The following IFT172 variants were observed in gnomAD, a reference collection of about 807,000 sequenced individuals.
IFT172 encodes intraflagellar transport 172.
In IFT172, 164 loss-of-function variants were observed where a neutral mutation model predicts 248.9. The ratio of observed to expected loss-of-function variants is 0.66; its 90% CI spans 0.58 to 0.75. The LOEUF (loss-of-function observed/expected upper bound fraction) is 0.75, where lower values mean the gene tolerates loss of function less well. IFT172 is among the 30% of genes least tolerant of loss of function. The pLI, the probability that IFT172 is intolerant of heterozygous loss-of-function variation, is 0.00. For synonymous variants in IFT172, 729 were observed against 791.6 expected, an observed-to-expected ratio of 0.92 and a Z score of 1.33; for missense variants, 1,950 against 2,192.4, an observed-to-expected ratio of 0.89 and a Z score of 2.21.
At position 27,461,743 on chromosome 2, in the gene IFT172, A is replaced by G. The variant is rs1258891560; in HGVS notation, c.2193+16T>C. ...AACCAAATTCTGAACAACTGTGGAGAAGATAAAACAGGTACCTTGGCTTCA... is the reference window on the plus strand; with the variant it reads ...AACCAAATTCTGAACAACTGTGGAGGAGATAAAACAGGTACCTTGGCTTCA... On this transcript the variant is annotated intron_variant, in intron 21 of 47. Coordinates refer to ENST00000260570, the MANE Select transcript of IFT172 (RefSeq NM_015662.3). The G allele has an allele frequency of 2.5e-6, 4 of 1,613,928 alleles. No individual in the cohort carries two copies. The African/African-American group carries it at 5.3e-5, about 22-fold the overall frequency.
At chr2:27,447,771 T>G (rs1665281083) in intron 41 of IFT172, 41 bp downstream of exon 41, 1 of 1,595,220 alleles carries the variant, frequency 6.3e-7, no homozygotes, top group East Asian at 2.2e-5. Context: ...AAAGAAGAGA[T>G]GAGGACAAGG....
At chr2:27,477,159 A>G in intron 13 of IFT172, 58 bp downstream of exon 13, 1 of 1,424,428 alleles carries the variant, frequency 7.0e-7, no homozygotes, top group Non-Finnish European at 9.9e-7. Context: ...CACAGAATTT[A>G]GGAGTCCAAA....
intron 3 of IFT172, among the ~76,000 whole-genome samples, 197 bp downstream of exon 3, chr2:27,484,821 C>T (rs577414005): frequency 6.6e-6 from 1 of 152,256 alleles, no homozygotes; most frequent in East Asian, 1.9e-4. Context: ...TGACCTTGGA[C>T]TGTTTCCTCC....
chr2:27,457,804 T>G (rs1425024897), intron 28 of IFT172, 37 bp downstream of exon 28: 2 of 1,614,076 alleles, frequency 1.2e-6, no homozygotes, highest in Admixed American at 3.3e-5. Context: ...GGAGCCTGGT[T>G]GGGGAAGAGA....
intron 16 of IFT172, among the ~76,000 whole-genome samples, chr2:27,466,516 T>C (rs1191103601): frequency 1.3e-5 from 2 of 152,270 alleles, no homozygotes; most frequent in East Asian, 1.9e-4. Flanking sequence ...TTAATATGCC[T>C]GATTCCTGCA....
At chr2:27,489,574 C>G (rs761108427) in intron 1 of IFT172, 41 bp downstream of exon 1, 3 of 1,539,526 alleles carry the variant, frequency 1.9e-6, no homozygotes, top group Admixed American at 1.7e-5. Context: ...TTTCTTGGAA[C>G]ATAAAGCATA....
chr2:27,457,838 C>T lies in IFT172; in HGVS notation c.3111+3G>A. ...GATAGGGAGAGCCAGGAGAAGGGCTCACCTTGCCCAGATGTAGGTGTGTAT... is the reference window on the plus strand; with the variant it reads ...GATAGGGAGAGCCAGGAGAAGGGCTTACCTTGCCCAGATGTAGGTGTGTAT... On this transcript the variant is annotated splice_donor_region_variant and intron_variant, in intron 28 of 47. Transcript: ENST00000260570. The T allele has an allele frequency of 1.9e-6, 3 of 1,614,138 alleles. No homozygotes were observed. Among genetic ancestry groups the T allele is most frequent in the Non-Finnish European group, 2.5e-6 (3 of 1,180,020 alleles).
intron 16 of IFT172, among the ~76,000 whole-genome samples, chr2:27,466,412 C>T (rs1203655582): frequency 6.6e-6 from 1 of 152,194 alleles, no homozygotes; most frequent in Non-Finnish European, 1.5e-5. Context: ...ACCTCAGGCC[C>T]TCCAGCAGGA....
Position 27,470,971 on chromosome 2 carries a change from T to A in IFT172, c.1649A>T (p.Tyr550Phe), listed in dbSNP as rs1667521013. 1 of 1,613,092 alleles carries A rather than the reference T, an allele frequency of 6.2e-7. No individual in the cohort carries two copies. The highest frequency in any genetic ancestry group is 8.5e-7 in the Non-Finnish European group (1 of 1,179,752). ...GACTCTCTCAGGTGCCTCAATGTTG[T>A]ACCATACACACAGACTGTTTCGGTT... ...AQNRNSLCVW[Y>F]NIEAPERVTM... The change falls in exon 16 of 48, where the codon TAC (tyrosine) becomes TTC (phenylalanine). Residue 550 changes from tyrosine (Y) to phenylalanine (F), a missense_variant. Physicochemically the swap from Tyr to Phe is conservative, Grantham distance 22. Transcript: ENST00000260570.
chr2:27,461,796 T>C lies in IFT172; in HGVS notation c.2156A>G (p.His719Arg). 6.2e-7 allele frequency: 1 copy of C among 1,614,078 alleles called. No homozygotes were observed. The highest frequency in any genetic ancestry group is 1.1e-5 in the South Asian group (1 of 91,074). ...EEAMGMYQEL[H>R]RWDECIAVAE... ...CACAGCGATACACTCATCCCAACGGTGTAGCTCCTGGTACATGCCCATGGC... is the reference window on the plus strand; with the variant it reads ...CACAGCGATACACTCATCCCAACGGCGTAGCTCCTGGTACATGCCCATGGC... The change falls in exon 21 of 48, where the codon CAC (histidine) becomes CGC (arginine). Residue 719 changes from histidine to arginine, a missense_variant. His to Arg is a conservative substitution (Grantham distance 29, BLOSUM62 0). Coordinates refer to ENST00000260570, the MANE Select transcript of IFT172 (RefSeq NM_015662.3).
intron 18 of IFT172, among the ~76,000 whole-genome samples, chr2:27,463,461 GA>G (rs1558385452): frequency 6.6e-6 from 1 of 150,702 alleles, no homozygotes; most frequent in Non-Finnish European, 1.5e-5. Context: ...AGATGGCTTT[GA>G]ATGTGGCCCA....
At chr2:27,486,688 G>A (rs1046662143) in intron 1 of IFT172, among the ~76,000 whole-genome samples, 29 of 152,188 alleles carry the variant, frequency 1.9e-4, no homozygotes, top group Non-Finnish European at 3.7e-4. Context: ...GAAGGCCTGA[G>A]GGCTCCTCAT....
At chr2:27,455,433 G>T (rs1666074832) in intron 30 of IFT172, 3 of 243,078 alleles carry the variant, frequency 1.2e-5, no homozygotes, top group Non-Finnish European at 2.4e-5. Flanking sequence ...AATATGCCGG[G>T]CGCGGTGGCT....
intron 20 of IFT172, 144 bp from the exon 21 acceptor site, chr2:27,461,980 C>T: frequency 1.3e-6 from 1 of 758,192 alleles, no homozygotes; most frequent in Non-Finnish European, 2.2e-6. Context: ...TACTGGGAAA[C>T]TAAAAGAAGC....
chr2:27,475,647 G>A (rs1185825099), intron 14 of IFT172: 2 of 152,052 alleles, frequency 1.3e-5, no homozygotes, highest in African/African-American at 4.8e-5. Context: ...CCAGGGATAA[G>A]TGTATTTCAT....
chr2:27,459,917 T>C (rs1666512020), intron 23 of IFT172, 88 bp from the exon 24 acceptor site: 1 of 1,555,418 alleles, frequency 6.4e-7, no homozygotes, highest in Non-Finnish European at 8.7e-7. Context: ...GCATGGAGAA[T>C]AGGTAAGAAG....
intron 30 of IFT172, chr2:27,455,028 C>A: frequency 3.2e-6 from 1 of 310,218 alleles, no homozygotes; most frequent in Non-Finnish European, 6.1e-6. Flanking sequence ...GCCCCAGCTA[C>A]ATTAGCAGAA....
intron 25 of IFT172, 92 bp from the exon 26 acceptor site, chr2:27,458,960 G>T: frequency 7.9e-7 from 1 of 1,265,324 alleles, no homozygotes; most frequent in South Asian, 1.3e-5. Context: ...TGGGATGGTG[G>T]AGAGCCTGCG....
chr2:27,454,558 C>T lies in IFT172; in HGVS notation c.3465+9G>A, dbSNP rs1665997491. On this transcript the variant is annotated intron_variant, in intron 31 of 47. Coordinates refer to ENST00000260570, the MANE Select transcript of IFT172 (RefSeq NM_015662.3). The surrounding 1 kb of genome is among the most constrained non-coding windows in gnomAD (Gnocchi z 4.2). ...GGCTCTGCGGTCGGGGTCCAAATCA[C>T]ACCCATACCTCATCCTCCAGGAACA... 2.5e-6 allele frequency: 4 copies of T among 1,613,744 alleles called. No individual in the cohort carries two copies. The highest frequency in any genetic ancestry group is 3.4e-6 in the Non-Finnish European group (4 of 1,179,800).
Sources: gnomAD v4.1 joint callset for allele counts (sites outside exome capture counted in the v4.1 genomes callset) on GRCh38, gnomAD v4.1.1 for gene constraint, Gnocchi (gnomAD v3.1) non-coding constraint, MANE v1.5 for transcripts, NCBI Gene and HGNC (gene_info 2026-07-23, HGNC 2026-07-21) for gene names.